POLR3B: variants seen among roughly 807,000 people sequenced by gnomAD.
POLR3B encodes RNA polymerase III subunit B.
POLR3B carries 96 observed loss-of-function variants against 147.4 expected under a neutral mutation model. That is an observed-to-expected ratio of 0.65 (90% CI 0.55 to 0.77). POLR3B has a LOEUF of 0.77. Among genes scored for constraint, POLR3B ranks in the 30% least tolerant of loss-of-function variants. The pLI, the probability that POLR3B is intolerant of heterozygous loss-of-function variation, is 0.00. For synonymous variants in POLR3B, 461 were observed against 485.9 expected (o/e 0.95, Z 0.67); for missense variants, 1,036 against 1,413.5 (o/e 0.73, Z 4.28).
chr12:106,509,832 G>A lies in POLR3B; in HGVS notation c.*283G>A, dbSNP rs2038747871. On this transcript the variant is annotated 3_prime_UTR_variant, in exon 28 of 28. Coordinates refer to ENST00000228347, the MANE Select transcript of POLR3B (RefSeq NM_018082.6). ...AAAGGATAAATAAGCTATTACTTAT[G>A]TGCTGATCTCTTGACATTCACTCAT... 1 of 357,514 alleles carries A rather than the reference G, an allele frequency of 2.8e-6. No homozygotes were observed. Among genetic ancestry groups the A allele is most frequent in the African/African-American group, 2.1e-5 (1 of 47,480 alleles). 22.1% of individuals were successfully genotyped at this position (357,514 alleles called of 1,614,324 possible). A position where few individuals can be genotyped will look rare whatever the true frequency, so the allele number is the denominator to read the frequency against.
intron 9 of POLR3B, among the ~76,000 whole-genome samples, chr12:106,385,538 A>G (rs560593088): frequency 2.1e-4 from 32 of 152,348 alleles, no homozygotes; most frequent in African/African-American, 7.0e-4. Flanking sequence ...ACGGAAAAGC[A>G]TTTTGGGTAT....
intron 15 of POLR3B, among the ~76,000 whole-genome samples, chr12:106,433,034 C>T (rs114906625): frequency 0.016 from 2,463 of 152,252 alleles, 66 homozygotes; most frequent in African/African-American, 0.056. Context: ...CCTGTTCTCT[C>T]CCTAGTATGC....
chr12:106,404,096 T>G (rs1364040804), intron 10 of POLR3B, among the ~76,000 whole-genome samples: 2 of 73,104 alleles, frequency 2.7e-5, no homozygotes, highest in Admixed American at 1.1e-4. Context: ...GTTTTTTGTT[T>G]TTTTTTTTTT....
chr12:106,413,654 A>AT lies in POLR3B; in HGVS notation c.1101+2704dup, dbSNP rs902155226. Among the ~76,000 whole-genome samples, 550 of 146,594 alleles carry AT rather than the reference A, an allele frequency of 3.8e-3. 1 individual carries two copies. Among genetic ancestry groups the AT allele is most frequent in the African/African-American group, 0.011 (426 of 40,044 alleles). ...ATATGCCTTGGTGTGAATTTCTTTT[A>AT]TTTTTTTTTTGCTTGGTATGTGCGT... On this transcript the variant is annotated intron_variant, in intron 12 of 27. Coordinates refer to ENST00000228347, the MANE Select transcript of POLR3B (RefSeq NM_018082.6).
intron 1 of POLR3B, chr12:106,358,309 G>A: frequency 1.7e-6 from 2 of 1,163,906 alleles, no homozygotes; most frequent in Non-Finnish European, 2.2e-6. Flanking sequence ...GGGCCAGGGA[G>A]CTCAGGCCAT....
chr12:106,500,254 C>G (rs573770230), intron 25 of POLR3B: 2 of 441,110 alleles, frequency 4.5e-6, no homozygotes, highest in African/African-American at 4.1e-5. Flanking sequence ...TGTTCTTGCT[C>G]CAGATTAATG....
At chr12:106,424,437 T>G (rs1294256326) in intron 12 of POLR3B, among the ~76,000 whole-genome samples, 3 of 152,214 alleles carry the variant, frequency 2.0e-5, no homozygotes, top group African/African-American at 7.2e-5. Flanking sequence ...ATTTAGCATC[T>G]GATGATGATC....
chr12:106,391,546 C>T (rs376278100), intron 9 of POLR3B, among the ~76,000 whole-genome samples: 1 of 152,178 alleles, frequency 6.6e-6, no homozygotes, highest in Non-Finnish European at 1.5e-5. Context: ...AAGTTTACAT[C>T]GGATCCTAAA....
chr12:106,365,371 T>C (rs2036520425), intron 2 of POLR3B, among the ~76,000 whole-genome samples: 1 of 152,082 alleles, frequency 6.6e-6, no homozygotes, highest in East Asian at 1.9e-4. Context: ...AATAAAATGG[T>C]CGTAAGGTCA....
intron 23 of POLR3B, among the ~76,000 whole-genome samples, chr12:106,472,519 C>T (rs1007386934): frequency 2.0e-5 from 3 of 150,676 alleles, no homozygotes; most frequent in Non-Finnish European, 4.4e-5. Context: ...TCCTCTCCAG[C>T]ACCTGTTGTT....
At position 106,392,105 on chromosome 12, in the gene POLR3B, C is replaced by G. The variant is rs142997171; in HGVS notation, c.724-926C>G. ...CAAAGACTTGCGTTGCTGCTGCCAC[C>G]TTGAAACACTTAAGTGGGTTTCTGA... On this transcript the variant is annotated intron_variant, in intron 9 of 27. Transcript: ENST00000228347. Among the ~76,000 whole-genome samples, 129 of 152,310 alleles carry G rather than the reference C, an allele frequency of 8.5e-4. 2 individuals carry two copies. Among genetic ancestry groups the G allele is most frequent in the African/African-American group, 3.0e-3 (123 of 41,560 alleles).
chr12:106,359,659 A>G (rs1198912718), intron 1 of POLR3B, among the ~76,000 whole-genome samples: 2 of 152,188 alleles, frequency 1.3e-5, no homozygotes, highest in African/African-American at 4.8e-5. Flanking sequence ...TGAAAAGTGA[A>G]TATCAAAGAG....
intron 2 of POLR3B, 22 bp downstream of exon 2, chr12:106,363,924 A>G: frequency 6.5e-7 from 1 of 1,548,144 alleles, no homozygotes. Flanking sequence ...ACATTTAATA[A>G]TAATTGGTTA....
chr12:106,403,899 C>T (rs1437117108), intron 10 of POLR3B, among the ~76,000 whole-genome samples: 1 of 151,542 alleles, frequency 6.6e-6, no homozygotes, highest in Non-Finnish European at 1.5e-5. Flanking sequence ...CAACATGGCA[C>T]ATGTATACAT....
intron 7 of POLR3B, among the ~76,000 whole-genome samples, chr12:106,377,055 A>G (rs1461433030): frequency 6.6e-6 from 1 of 152,224 alleles, no homozygotes; most frequent in Non-Finnish European, 1.5e-5. Context: ...TAAAAATTCA[A>G]GAATAATCTT....
chr12:106,479,940 A>T (rs564709376), intron 23 of POLR3B, among the ~76,000 whole-genome samples: 22 of 150,970 alleles, frequency 1.5e-4, no homozygotes, highest in African/African-American at 4.9e-4. Context: ...CAGCCTCCTG[A>T]GTAGCTGCAC....
chr12:106,378,430 A>C (rs377689476), intron 8 of POLR3B, 46 bp downstream of exon 8: 2 of 1,156,426 alleles, frequency 1.7e-6, no homozygotes, highest in Non-Finnish European at 2.6e-6. Context: ...TGGTCATTCC[A>C]TTAGTCCTAA....
intron 1 of POLR3B, among the ~76,000 whole-genome samples, chr12:106,362,215 G>A (rs117461873): frequency 0.01 from 1,536 of 152,240 alleles, 16 homozygotes; most frequent in Non-Finnish European, 0.015. Flanking sequence ...TCAGGAGAAG[G>A]TTGGCAGGAT....
intron 12 of POLR3B, among the ~76,000 whole-genome samples, 175 bp downstream of exon 12, chr12:106,411,135 C>CT (rs892449212): frequency 6.7e-4 from 100 of 149,192 alleles, no homozygotes; most frequent in East Asian, 7.8e-4. Context: ...AACATTAATT[C>CT]TTTTTTTTTT....
Sources: gnomAD v4.1 joint callset for allele counts (sites outside exome capture counted in the v4.1 genomes callset) on GRCh38, gnomAD v4.1.1 for gene constraint, MANE v1.5 for transcripts, NCBI Gene and HGNC (gene_info 2026-07-23, HGNC 2026-07-21) for gene names.